CDH18: variants seen among roughly 807,000 people sequenced by gnomAD.
The protein encoded by CDH18 is cadherin 18.
CDH18 carries 31 observed loss-of-function variants against 67.9 expected under a neutral mutation model. That is an observed-to-expected ratio of 0.46 (90% CI 0.34 to 0.62). The LOEUF (loss-of-function observed/expected upper bound fraction) is 0.62, where lower values mean the gene tolerates loss of function less well. CDH18 is among the 20% of genes least tolerant of loss of function. CDH18 has a pLI of 0.01. For missense variants in CDH18, 890 were observed against 975.5 expected, an observed-to-expected ratio of 0.91 and a Z score of 1.17; for synonymous variants, 362 against 347.2, an observed-to-expected ratio of 1.04 and a Z score of -0.48.
chr5:20,010,639 A>G (rs1264601507), intron 2 of CDH18, among the ~76,000 whole-genome samples: 8 of 152,154 alleles, frequency 5.3e-5, no homozygotes, highest in African/African-American at 9.7e-5. Flanking sequence ...ATTTTCTGTA[A>G]CATTAACCAT....
intron 2 of CDH18, among the ~76,000 whole-genome samples, chr5:19,857,041 A>C (rs1459513628): frequency 6.6e-6 from 1 of 152,056 alleles, no homozygotes; most frequent in East Asian, 1.9e-4. Context: ...AGGGCAACAT[A>C]GTGAGATCCC....
At chr5:19,502,418 G>A (rs1043454678) in intron 11 of CDH18, among the ~76,000 whole-genome samples, 83 of 152,222 alleles carry the variant, frequency 5.5e-4, no homozygotes, top group African/African-American at 1.9e-3. Context: ...AACTTCCGTA[G>A]TTACTAAATT....
chr5:19,585,678 T>A (rs1012133889), intron 7 of CDH18, among the ~76,000 whole-genome samples: 2 of 152,188 alleles, frequency 1.3e-5, no homozygotes, highest in African/African-American at 4.8e-5. Flanking sequence ...AACACTCTTG[T>A]CTCCCAACTT....
intron 1 of CDH18, among the ~76,000 whole-genome samples, chr5:20,452,320 G>A (rs933144847): frequency 2.0e-5 from 3 of 152,018 alleles, no homozygotes; most frequent in Non-Finnish European, 4.4e-5. Context: ...ATAAAGAAAA[G>A]GATGCACTCA....
intron 3 of CDH18, among the ~76,000 whole-genome samples, chr5:19,824,166 G>A (rs766214556): frequency 3.3e-5 from 5 of 152,162 alleles, no homozygotes; most frequent in African/African-American, 4.8e-5. Flanking sequence ...AATAATATAC[G>A]TGGTCCAATA....
chr5:19,601,859 G>A (rs1747188757), intron 6 of CDH18, among the ~76,000 whole-genome samples: 1 of 151,772 alleles, frequency 6.6e-6, no homozygotes, highest in South Asian at 2.1e-4. Flanking sequence ...ACAAGGTCAT[G>A]TCAATTCTAC....
intron 1 of CDH18, among the ~76,000 whole-genome samples, chr5:20,450,205 G>A (rs960826248): frequency 2.0e-5 from 3 of 152,098 alleles, no homozygotes; most frequent in Admixed American, 6.5e-5. Flanking sequence ...AAATTAGCCA[G>A]ACGTGGTGGC....
At chr5:20,172,238 A>ATG (rs1554098804) in intron 2 of CDH18, among the ~76,000 whole-genome samples, 6 of 118,936 alleles carry the variant, frequency 5.0e-5, no homozygotes, top group East Asian at 2.2e-4. Context: ...ATATATATAT[A>ATG]TGTATATATA....
chr5:19,656,285 A>T (rs553933715), intron 5 of CDH18, among the ~76,000 whole-genome samples: 2 of 152,170 alleles, frequency 1.3e-5, no homozygotes, highest in South Asian at 4.2e-4. Context: ...GATAATAATA[A>T]TTCGTGTTTT....
At chr5:19,679,322 C>T (rs1038324436) in intron 5 of CDH18, among the ~76,000 whole-genome samples, 7 of 151,834 alleles carry the variant, frequency 4.6e-5, no homozygotes, top group Admixed American at 2.0e-4. Flanking sequence ...TAGAAGCCAT[C>T]TATGAAAAAT....
At chr5:20,159,513 T>C (rs1275339255) in intron 2 of CDH18, among the ~76,000 whole-genome samples, 1 of 152,142 alleles carries the variant, frequency 6.6e-6, no homozygotes, top group Non-Finnish European at 1.5e-5. Flanking sequence ...CCAAGATAAA[T>C]AACTCTTTTG....
At chr5:20,060,379 G>A (rs1742359608) in intron 2 of CDH18, among the ~76,000 whole-genome samples, 2 of 151,956 alleles carry the variant, frequency 1.3e-5, no homozygotes, top group South Asian at 4.1e-4. Context: ...AAGGAGAATC[G>A]CTTGAAGCCA....
At chr5:20,480,337 AAGACAT>A (rs1752704963) in intron 1 of CDH18, among the ~76,000 whole-genome samples, 1 of 152,224 alleles carries the variant, frequency 6.6e-6, no homozygotes, top group Non-Finnish European at 1.5e-5. Context: ...ACAACTTTTC[AAGACAT>A]AGACAGTATA....
chr5:19,832,209 A>G (rs1039831742), intron 3 of CDH18, among the ~76,000 whole-genome samples: 3 of 152,148 alleles, frequency 2.0e-5, no homozygotes, highest in Non-Finnish European at 4.4e-5. Context: ...AGCATCGCAC[A>G]ATATATACAT....
At chr5:19,878,851 A>C (rs952936564) in intron 2 of CDH18, among the ~76,000 whole-genome samples, 4 of 152,002 alleles carry the variant, frequency 2.6e-5, no homozygotes, top group African/African-American at 4.8e-5. Context: ...ACAAAGTAAA[A>C]ATTTAAATTT....
At chr5:20,553,444 C>T (rs572776001) in intron 1 of CDH18, among the ~76,000 whole-genome samples, 1 of 152,184 alleles carries the variant, frequency 6.6e-6, no homozygotes, top group Non-Finnish European at 1.5e-5. Flanking sequence ...AAACAAACAA[C>T]AACAAAACAG....
At chr5:20,078,131 TA>T (rs1243913802) in intron 2 of CDH18, among the ~76,000 whole-genome samples, 1 of 152,202 alleles carries the variant, frequency 6.6e-6, no homozygotes, top group Non-Finnish European at 1.5e-5. Flanking sequence ...CCTGCATCTT[TA>T]AAACAGTAAT....
chr5:20,573,382 C>A (rs1231480290), intron 1 of CDH18, among the ~76,000 whole-genome samples: 1 of 150,864 alleles, frequency 6.6e-6, no homozygotes, highest in African/African-American at 2.4e-5. Flanking sequence ...GCCAATATAG[C>A]CCATAAATAA....
intron 11 of CDH18, among the ~76,000 whole-genome samples, chr5:19,500,913 C>T (rs1684846): frequency 0.2 from 30,438 of 151,714 alleles, 3,343 homozygotes; most frequent in African/African-American, 0.27. Flanking sequence ...GGCAGATCAC[C>T]TGAGGTCAGG....
Sources: gnomAD v4.1 joint callset for allele counts (sites outside exome capture counted in the v4.1 genomes callset) on GRCh38, gnomAD v4.1.1 for gene constraint, MANE v1.5 for transcripts, NCBI Gene and HGNC (gene_info 2026-07-23, HGNC 2026-07-21) for gene names.